The following PPARGC1A variants were observed in gnomAD, a reference collection of about 807,000 sequenced individuals.
The protein encoded by PPARGC1A is peroxisome proliferator-activated receptor gamma coactivator 1-alpha.
Under a neutral mutation model 88.7 loss-of-function variants are expected in PPARGC1A, and 25 were observed. The observed-to-expected ratio is 0.28, with a 90% confidence interval of 0.21 to 0.39. The LOEUF (loss-of-function observed/expected upper bound fraction) is 0.39. PPARGC1A is among the 10% of genes least tolerant of loss of function. PPARGC1A has a pLI of 1.00. For missense variants in PPARGC1A, 880 were observed against 968.7 expected (o/e 0.91, Z 1.22); for synonymous variants, 363 against 355.6 (o/e 1.02, Z -0.24).
the PPARGC1A span, among the ~76,000 whole-genome samples, chr4:24,296,617 C>T: frequency 3.9e-5 from 6 of 152,118 alleles, no homozygotes; most frequent in African/African-American, 7.2e-5. Context: ...TTTACAACTT[C>T]GGTATCCCTG....
chr4:24,166,239 G>A, the PPARGC1A span, among the ~76,000 whole-genome samples: 14 of 152,210 alleles, frequency 9.2e-5, no homozygotes, highest in African/African-American at 2.7e-4. Context: ...AGGAGAGGAC[G>A]CTGCAGAAGA....
In PPARGC1A at chr4:23,793,680, C is replaced by T. The variant is rs1458424050; in HGVS notation, c.*2142G>A. The T allele has an allele frequency of 6.6e-6, 1 of 152,160 alleles. No individual in the cohort carries two copies. The highest frequency in any genetic ancestry group is 2.1e-4 in the South Asian group (1 of 4,834). The allele number at this position is 152,160 out of a possible 1,614,324, so 9.4% of individuals were successfully genotyped here. ...TGAATTCCATTCCAGGGACTCCACACTCAGATGAAATCCTGATGATCAAAA... is the reference window on the plus strand; with the variant it reads ...TGAATTCCATTCCAGGGACTCCACATTCAGATGAAATCCTGATGATCAAAA... On this transcript the variant is annotated 3_prime_UTR_variant, in exon 13 of 13. Transcript: ENST00000264867.
the PPARGC1A span, among the ~76,000 whole-genome samples, chr4:24,339,221 T>TAC: frequency 1.8e-5 from 1 of 55,238 alleles, no homozygotes; most frequent in Non-Finnish European, 4.0e-5. Context: ...TGTATATATA[T>TAC]ATATATATAT....
At chr4:23,797,187 T>TA (rs1717760233) in intron 12 of PPARGC1A, among the ~76,000 whole-genome samples, 1 of 152,098 alleles carries the variant, frequency 6.6e-6, no homozygotes, top group Admixed American at 6.6e-5. Flanking sequence ...GTCTCAATCA[T>TA]AAAAAACGGA....
the PPARGC1A span, among the ~76,000 whole-genome samples, chr4:24,058,239 T>C: frequency 6.6e-6 from 1 of 152,208 alleles, no homozygotes; most frequent in South Asian, 2.1e-4. Flanking sequence ...GAGTATCTCA[T>C]GGTCCAAGGC....
upstream of PPARGC1A, among the ~76,000 whole-genome samples, chr4:23,891,495 A>G (rs1373046325): frequency 1.3e-5 from 2 of 152,234 alleles, no homozygotes; most frequent in African/African-American, 2.4e-5. Context: ...CATATTTTAA[A>G]TATTAAATTG....
At chr4:24,198,973 T>C in the PPARGC1A span, among the ~76,000 whole-genome samples, 2 of 152,190 alleles carry the variant, frequency 1.3e-5, no homozygotes, top group Non-Finnish European at 2.9e-5. Flanking sequence ...GAAGTCAAGG[T>C]GGGCTGAAGG....
At chr4:24,122,412 TGTGC>T in the PPARGC1A span, among the ~76,000 whole-genome samples, 256 of 129,468 alleles carry the variant, frequency 2.0e-3, no homozygotes, top group African/African-American at 7.2e-3. Context: ...TGTGTGTGTG[TGTGC>T]ATATATATAT....
At chr4:24,262,112 T>G in the PPARGC1A span, among the ~76,000 whole-genome samples, 80 of 152,040 alleles carry the variant, frequency 5.3e-4, no homozygotes, top group African/African-American at 1.7e-3. Context: ...CCCCACCAAG[T>G]CACCACGCAC....
rs779894754 is a variant in PPARGC1A at position 23,812,973 on chromosome 4, T to C, written c.1898+48A>G. On this transcript the variant is annotated intron_variant, in intron 9 of 12. Transcript: ENST00000264867. ...GGGTTTTGGAGAACATCTTGTCATC[T>C]CAAGGAGGGGATAAAGGGAGCTAAA... 68 of 1,611,394 alleles carry C rather than the reference T, an allele frequency of 4.2e-5. No individual in the cohort carries two copies. In the South Asian group the frequency reaches 7.5e-4, roughly 18 times the overall value.
chr4:24,410,803 C>A, the PPARGC1A span, among the ~76,000 whole-genome samples: 1 of 152,218 alleles, frequency 6.6e-6, no homozygotes, highest in Non-Finnish European at 1.5e-5. Flanking sequence ...AGCTTTTGGA[C>A]TTTTGGACTT....
At chr4:23,831,430 G>T in intron 3 of PPARGC1A, 127 bp downstream of exon 3, 1 of 782,750 alleles carries the variant, frequency 1.3e-6, no homozygotes, top group Non-Finnish European at 2.0e-6. Flanking sequence ...CTCTGAGTGT[G>T]CTTGGGGATT....
the PPARGC1A span, among the ~76,000 whole-genome samples, chr4:24,155,407 G>C: frequency 2.0e-5 from 3 of 151,736 alleles, no homozygotes; most frequent in East Asian, 5.9e-4. Flanking sequence ...TGAACAGCTT[G>C]AGCCCAAGAG....
the PPARGC1A span, among the ~76,000 whole-genome samples, chr4:24,375,694 T>G: frequency 6.6e-6 from 1 of 152,134 alleles, no homozygotes. Context: ...AAACAGAGAC[T>G]AGAGCCAGCA....
upstream of PPARGC1A, among the ~76,000 whole-genome samples, chr4:23,908,171 G>A (rs1378888337): frequency 5.3e-5 from 8 of 152,186 alleles, no homozygotes; most frequent in East Asian, 9.6e-4. Context: ...GAGAACGAGC[G>A]ACAGTGTCTG....
chr4:24,150,346 T>G, the PPARGC1A span, among the ~76,000 whole-genome samples: 1 of 152,318 alleles, frequency 6.6e-6, no homozygotes, highest in East Asian at 1.9e-4. Context: ...AATGTATTAT[T>G]CTTCAACAAA....
At chr4:24,272,867 G>A in the PPARGC1A span, among the ~76,000 whole-genome samples, 4 of 152,258 alleles carry the variant, frequency 2.6e-5, no homozygotes, top group South Asian at 2.1e-4. Flanking sequence ...TGTTTCCAGT[G>A]CAATAGATCT....
intron 2 of PPARGC1A, among the ~76,000 whole-genome samples, chr4:23,837,767 T>C (rs185911939): frequency 1.2e-4 from 19 of 152,306 alleles, no homozygotes; most frequent in Non-Finnish European, 2.2e-4. Context: ...CACCAGGACT[T>C]CAAATAACTA....
the PPARGC1A span, among the ~76,000 whole-genome samples, chr4:24,254,092 C>T: frequency 6.6e-6 from 1 of 152,122 alleles, no homozygotes; most frequent in Non-Finnish European, 1.5e-5. Context: ...TTTGTTCTTA[C>T]TCAAAGATTT....
Sources: allele counts gnomAD v4.1 joint callset (sites outside exome capture counted in the v4.1 genomes callset), GRCh38; gene constraint gnomAD v4.1.1; transcripts MANE v1.5; gene names NCBI Gene and HGNC (gene_info 2026-07-23, HGNC 2026-07-21).